The following DNM1 variants were observed in gnomAD, a reference collection of about 807,000 sequenced individuals.
The protein encoded by DNM1 is dynamin-1.
DNM1 carries 29 observed loss-of-function variants against 104.6 expected under a neutral mutation model. The ratio of observed to expected loss-of-function variants is 0.28; its 90% CI spans 0.21 to 0.38. The LOEUF (loss-of-function observed/expected upper bound fraction) is 0.38. Among genes scored for constraint, DNM1 ranks in the 10% least tolerant of loss-of-function variants. The pLI, the probability that DNM1 is intolerant of heterozygous loss-of-function variation, is 1.00. For missense variants in DNM1, 640 were observed against 1,189.4 expected (o/e 0.54, Z 6.79); for synonymous variants, 445 against 475.8 (o/e 0.94, Z 0.84).
At chr9:128,215,220 G>A (rs927057808) in intron 1 of DNM1, among the ~76,000 whole-genome samples, 5 of 152,246 alleles carry the variant, frequency 3.3e-5, no homozygotes, top group African/African-American at 4.8e-5. Context: ...TGTAGGATTC[G>A]ATGAAGGAGC....
In DNM1 at chr9:128,220,765, G is replaced by GTGTGTGTGTC. The variant is rs1432585973; in HGVS notation, c.849+427_849+428insGTGTGTCTGT. ...CGCGTGTGTGTGTGTGTGTGTGTGT[G>GTGTGTGTGTC]TGTCTGTCTGACTGTCTGTCTGTGT... On this transcript the variant is annotated intron_variant, in intron 6 of 21. Coordinates refer to ENST00000372923, the MANE Select transcript of DNM1 (RefSeq NM_004408.4). The surrounding 1 kb of genome is among the most constrained non-coding windows in gnomAD (Gnocchi z 5.2). Among the ~76,000 whole-genome samples the GTGTGTGTGTC allele has an allele frequency of 6.6e-5, 10 of 151,782 alleles. No individual in the cohort carries two copies. The highest frequency in any genetic ancestry group is 2.1e-4 in the South Asian group (1 of 4,798).
chr9:128,249,967 G>A (rs1829412347), intron 19 of DNM1, 148 bp from the exon 20 acceptor site: 1 of 1,154,910 alleles, frequency 8.7e-7, no homozygotes, highest in Admixed American at 2.2e-5. Flanking sequence ...AGAAAAGCGC[G>A]GTGGGGAGGT....
Position 128,219,263 on chromosome 9 carries a change from A to T in DNM1, c.589+11A>T. Reference sequence around the variant, plus strand: ...AGGTGGACCCCCAGGGTAGGTTCCCACCCGGTGGCCAATGCACAAAACCCC... The same window carrying T: ...AGGTGGACCCCCAGGGTAGGTTCCCTCCCGGTGGCCAATGCACAAAACCCC... On this transcript the variant is annotated intron_variant, in intron 4 of 21. Coordinates refer to ENST00000372923, the MANE Select transcript of DNM1 (RefSeq NM_004408.4). The T allele has an allele frequency of 6.2e-7, 1 of 1,613,034 alleles. No individual in the cohort carries two copies.
intron 1 of DNM1, among the ~76,000 whole-genome samples, chr9:128,211,863 C>A (rs79563199): frequency 0.059 from 9,001 of 152,262 alleles, 306 homozygotes; most frequent in Middle Eastern, 0.13. Flanking sequence ...AGCCCGTTGC[C>A]TTGGGCTCAG....
At position 128,219,387 on chromosome 9, in the gene DNM1, G is replaced by A. The variant is rs73672448; in HGVS notation, c.589+135G>A. ...TTGTACCTTTAAAAATCACTTTGGGGGTCAGGCATGGTAGCTCATGCCTGT... is the reference window on the plus strand; with the variant it reads ...TTGTACCTTTAAAAATCACTTTGGGAGTCAGGCATGGTAGCTCATGCCTGT... On this transcript the variant is annotated intron_variant, in intron 4 of 21. Coordinates refer to ENST00000372923, the MANE Select transcript of DNM1 (RefSeq NM_004408.4). 5 of 782,868 alleles carry A rather than the reference G, an allele frequency of 6.4e-6. No individual in the cohort carries two copies. In the African/African-American group the frequency reaches 8.7e-5, roughly 14 times the overall value. The allele number at this position is 782,868 out of a possible 1,614,324, so 48.5% of individuals were successfully genotyped here.
Position 128,246,383 on chromosome 9 carries a change from T to C in DNM1, c.1672-11T>C. On this transcript the variant is annotated splice_polypyrimidine_tract_variant and intron_variant, in intron 15 of 21. Transcript: ENST00000372923. The stretch of plus-strand genomic sequence containing the variant: ...CCAACCTCACCCCATTGCTCCTACC[T>C]GCACCCACAGGAGAAAGAGAAGAAA... 8.1e-6 allele frequency: 13 copies of C among 1,604,176 alleles called. No individual in the cohort carries two copies. Among genetic ancestry groups the C allele is most frequent in the Non-Finnish European group, 1.1e-5 (13 of 1,170,994 alleles).
At chr9:128,235,383 A>G (rs548175221) in intron 11 of DNM1, among the ~76,000 whole-genome samples, 1 of 152,044 alleles carries the variant, frequency 6.6e-6, no homozygotes, top group South Asian at 2.1e-4. Flanking sequence ...AATCCCAGCT[A>G]TTCAGGAAGC....
chr9:128,204,482 C>CGG (rs1833771730), intron 1 of DNM1: 1 of 152,346 alleles, frequency 6.6e-6, no homozygotes, highest in African/African-American at 2.4e-5. Context: ...TCTGATCCCA[C>CGG]AAGGCGCTGA....
chr9:128,228,583 A>G, intron 10 of DNM1, among the ~76,000 whole-genome samples: 1 of 152,266 alleles, frequency 6.6e-6, no homozygotes. Context: ...GTTTATATCT[A>G]GTAATCAATC....
At chr9:128,229,538 A>C (rs1211156107) in intron 10 of DNM1, among the ~76,000 whole-genome samples, 1 of 142,242 alleles carries the variant, frequency 7.0e-6, no homozygotes, top group Non-Finnish European at 1.5e-5. Flanking sequence ...TCGAGGCTGC[A>C]GTGAGCTCTG....
intron 15 of DNM1, chr9:128,244,877 C>T (rs1836663792): frequency 2.1e-6 from 1 of 483,466 alleles, no homozygotes; most frequent in African/African-American, 2.0e-5. Context: ...GCTTCAGCCC[C>T]ATCCCCTGGA....
intron 1 of DNM1, chr9:128,204,512 G>C (rs1006088437): frequency 5.9e-5 from 9 of 152,288 alleles, no homozygotes; most frequent in Admixed American, 2.0e-4. Flanking sequence ...GTGGCGGAGA[G>C]AGGAACAACC....
Position 128,254,857 on chromosome 9 carries a change from C to A in DNM1, c.*143C>A. The stretch of plus-strand genomic sequence containing the variant: ...TGTTGTAGTGGTGAGCTGATACATT[C>A]AGGTGTGACCGTTGGTGAAAACTTG... On this transcript the variant is annotated 3_prime_UTR_variant, in exon 22 of 22. Coordinates refer to ENST00000372923, the MANE Select transcript of DNM1 (RefSeq NM_004408.4). The surrounding 1 kb of genome is among the most constrained non-coding windows in gnomAD (Gnocchi z 6.1). The A allele has an allele frequency of 1.4e-6, 1 of 696,868 alleles. No individual in the cohort carries two copies. The highest frequency in any genetic ancestry group is 2.5e-6 in the Non-Finnish European group (1 of 408,156). The allele number at this position is 696,868 out of a possible 1,614,324, so 43.2% of individuals were successfully genotyped here.
chr9:128,216,826 T>C (rs950553136), intron 1 of DNM1, among the ~76,000 whole-genome samples: 1 of 152,122 alleles, frequency 6.6e-6, no homozygotes, highest in African/African-American at 2.4e-5. Flanking sequence ...CTGTAGAGCT[T>C]GAATGTATCT....
chr9:128,207,816 C>T (rs1031949702), intron 1 of DNM1, among the ~76,000 whole-genome samples: 2 of 152,112 alleles, frequency 1.3e-5, no homozygotes, highest in Non-Finnish European at 2.9e-5. Flanking sequence ...CCTGCCTGGG[C>T]GTAGACAGGC....
intron 1 of DNM1, among the ~76,000 whole-genome samples, chr9:128,213,578 A>G (rs531472046): frequency 2.0e-5 from 3 of 152,246 alleles, no homozygotes; most frequent in South Asian, 2.1e-4. Context: ...ATAGGGAGAA[A>G]GATTGCTGTG....
At chr9:128,235,376 C>A (rs1835951260) in intron 11 of DNM1, among the ~76,000 whole-genome samples, 1 of 151,920 alleles carries the variant, frequency 6.6e-6, no homozygotes, top group South Asian at 2.1e-4. Context: ...CGCCTGTAAT[C>A]CCAGCTATTC....
At chr9:128,213,894 G>A (rs749206405) in intron 1 of DNM1, among the ~76,000 whole-genome samples, 3 of 152,138 alleles carry the variant, frequency 2.0e-5, no homozygotes, top group Non-Finnish European at 4.4e-5. Context: ...ACCTCAGCTT[G>A]AAATTCATGA....
chr9:128,216,711 G>A (rs1009677447), intron 1 of DNM1, among the ~76,000 whole-genome samples: 1 of 152,238 alleles, frequency 6.6e-6, no homozygotes, highest in African/African-American at 2.4e-5. Flanking sequence ...GGTCTAGTCT[G>A]TTGTACCTAA....
Sources: gnomAD v4.1 joint callset for allele counts (sites outside exome capture counted in the v4.1 genomes callset) on GRCh38, gnomAD v4.1.1 for gene constraint, Gnocchi (gnomAD v3.1) non-coding constraint, MANE v1.5 for transcripts, NCBI Gene and HGNC (gene_info 2026-07-23, HGNC 2026-07-21) for gene names.